SPATA17: variants seen among roughly 807,000 people sequenced by gnomAD.
SPATA17 encodes the protein spermatogenesis-associated protein 17.
In SPATA17, 53 loss-of-function variants were observed where a neutral mutation model predicts 62.2. The ratio of observed to expected loss-of-function variants is 0.85; its 90% CI spans 0.68 to 1.07. The LOEUF (loss-of-function observed/expected upper bound fraction) is 1.07, where lower values mean the gene tolerates loss of function less well. Among genes scored for constraint, SPATA17 ranks in the 50% least tolerant of loss-of-function variants. SPATA17 has a pLI of 0.00. For synonymous variants in SPATA17, 146 were observed against 146.8 expected, an observed-to-expected ratio of 0.99 and a Z score of 0.04; for missense variants, 466 against 425.5, an observed-to-expected ratio of 1.10 and a Z score of -0.84.
chr1:217,675,189 A>G (rs895038192), intron 4 of SPATA17, among the ~76,000 whole-genome samples: 3 of 152,150 alleles, frequency 2.0e-5, no homozygotes, highest in Admixed American at 6.5e-5. Flanking sequence ...TAGATTAGTA[A>G]TGTTCCAAGA....
intron 3 of SPATA17, among the ~76,000 whole-genome samples, chr1:217,652,124 T>C (rs924271807): frequency 2.6e-5 from 4 of 152,242 alleles, no homozygotes; most frequent in South Asian, 4.1e-4. Flanking sequence ...TTAGCACTTA[T>C]ATAGATGAAT....
At chr1:217,721,298 T>G (rs1046946680) in intron 5 of SPATA17, among the ~76,000 whole-genome samples, 1 of 152,148 alleles carries the variant, frequency 6.6e-6, no homozygotes, top group African/African-American at 2.4e-5. Flanking sequence ...CCTATGAATG[T>G]AGAGGGGGCT....
In SPATA17 at chr1:217,782,084, A is replaced by G. The variant is rs1003346985; in HGVS notation, c.724-90A>G. ...TTAAAAATAACTTAGTAAACCTGCT[A>G]TACTTTGTAGATGTTCACTAGCCTT... On this transcript the variant is annotated intron_variant, in intron 7 of 10. Transcript: ENST00000366933. The G allele has an allele frequency of 5.4e-6, 7 of 1,286,438 alleles. No individual in the cohort carries two copies. The African/African-American group carries it at 1.0e-4, about 19-fold the overall frequency. The allele number at this position is 1,286,438 out of a possible 1,614,324, so 79.7% of individuals were successfully genotyped here. A position where few individuals can be genotyped will look rare whatever the true frequency, so the allele number is the denominator to read the frequency against.
At chr1:217,714,586 G>A (rs1290331552) in intron 5 of SPATA17, among the ~76,000 whole-genome samples, 7 of 147,012 alleles carry the variant, frequency 4.8e-5, no homozygotes, top group East Asian at 2.1e-4. Flanking sequence ...CCAGGTTCAC[G>A]CCATTCTCCT....
chr1:217,829,893 G>A (rs1037419133), intron 9 of SPATA17, among the ~76,000 whole-genome samples: 4 of 151,766 alleles, frequency 2.6e-5, no homozygotes, highest in African/African-American at 4.8e-5. Flanking sequence ...TTATATTAGG[G>A]AGTGTTCTTA....
chr1:217,787,717 G>A (rs1315527842), intron 8 of SPATA17, among the ~76,000 whole-genome samples: 2 of 152,100 alleles, frequency 1.3e-5, no homozygotes, highest in South Asian at 2.1e-4. Flanking sequence ...TTGGTTACAT[G>A]TGCAATTATT....
At chr1:217,775,890 A>G (rs1673579962) in intron 7 of SPATA17, among the ~76,000 whole-genome samples, 1 of 152,136 alleles carries the variant, frequency 6.6e-6, no homozygotes, top group Admixed American at 6.5e-5. Flanking sequence ...TATATTGAAT[A>G]AGAAGTTAAA....
chr1:217,631,696 A>G, intron 1 of SPATA17, among the ~76,000 whole-genome samples: 1 of 152,182 alleles, frequency 6.6e-6, no homozygotes, highest in South Asian at 2.1e-4. Context: ...ATAAAATTGT[A>G]AAGTGCTTTT....
intron 5 of SPATA17, among the ~76,000 whole-genome samples, chr1:217,728,547 A>G (rs1436887809): frequency 1.3e-5 from 2 of 151,916 alleles, no homozygotes; most frequent in East Asian, 3.9e-4. Context: ...CTTTGATAAA[A>G]CTCATTTGTT....
At chr1:217,814,424 T>G in intron 9 of SPATA17, among the ~76,000 whole-genome samples, 1 of 152,190 alleles carries the variant, frequency 6.6e-6, no homozygotes, top group East Asian at 1.9e-4. Flanking sequence ...TGTGCAGCTG[T>G]ACACTGTGGT....
At chr1:217,689,785 T>A (rs1558566865) in intron 5 of SPATA17, among the ~76,000 whole-genome samples, 1 of 152,150 alleles carries the variant, frequency 6.6e-6, no homozygotes, top group Admixed American at 6.6e-5. Context: ...TGCATTTCAC[T>A]CACTTTTTGC....
chr1:217,705,466 G>T (rs1302273805), intron 5 of SPATA17, among the ~76,000 whole-genome samples: 1 of 102,396 alleles, frequency 9.8e-6, no homozygotes, highest in Non-Finnish European at 1.8e-5. Flanking sequence ...TTTGGAGATG[G>T]AGTCTCGCTC....
At chr1:217,821,905 T>A (rs17727441) in intron 9 of SPATA17, among the ~76,000 whole-genome samples, 4,825 of 152,150 alleles carry the variant, frequency 0.032, 112 homozygotes, top group Middle Eastern at 0.065. Context: ...GAATAACAGG[T>A]TAAATGAGTG....
intron 9 of SPATA17, among the ~76,000 whole-genome samples, chr1:217,821,422 A>G (rs1051108051): frequency 3.3e-5 from 5 of 152,224 alleles, no homozygotes; most frequent in African/African-American, 9.6e-5. Flanking sequence ...TGCAATAAGA[A>G]TAAAGGAGTG....
chr1:217,687,154 T>A (rs1323060713), intron 5 of SPATA17, among the ~76,000 whole-genome samples: 6 of 152,222 alleles, frequency 3.9e-5, no homozygotes. Flanking sequence ...CATTACTCTC[T>A]TTACTGCTTT....
At chr1:217,632,578 T>C (rs1293872848) in intron 1 of SPATA17, among the ~76,000 whole-genome samples, 1 of 152,220 alleles carries the variant, frequency 6.6e-6, no homozygotes, top group Non-Finnish European at 1.5e-5. Context: ...TTACATTCTT[T>C]TATGAGATAA....
chr1:217,745,890 A>T (rs923312443), intron 6 of SPATA17, among the ~76,000 whole-genome samples: 4 of 152,090 alleles, frequency 2.6e-5, no homozygotes, highest in African/African-American at 9.7e-5. Context: ...TTTTATTTTA[A>T]TAAAAAATAA....
At chr1:217,729,129 C>T (rs922058185) in intron 5 of SPATA17, among the ~76,000 whole-genome samples, 4 of 152,212 alleles carry the variant, frequency 2.6e-5, no homozygotes, top group Non-Finnish European at 5.9e-5. Context: ...CCACCACGGC[C>T]TATTGCCTAC....
chr1:217,636,193 A>G (rs1231507532), intron 1 of SPATA17, among the ~76,000 whole-genome samples: 1 of 151,246 alleles, frequency 6.6e-6, no homozygotes, highest in Non-Finnish European at 1.5e-5. Context: ...ACTTCTGTCT[A>G]TAAAAACAAT....
Sources: allele counts gnomAD v4.1 joint callset (sites outside exome capture counted in the v4.1 genomes callset), GRCh38; gene constraint gnomAD v4.1.1; transcripts MANE v1.5; gene names NCBI Gene and HGNC (gene_info 2026-07-23, HGNC 2026-07-21).